RBPJ: variants seen among roughly 807,000 people sequenced by gnomAD.
The protein encoded by RBPJ is recombination signal binding protein for immunoglobulin kappa J region, also known as recombining binding protein suppressor of hairless.
In RBPJ, 9 loss-of-function variants were observed where a neutral mutation model predicts 67.8. The observed-to-expected ratio is 0.13, with a 90% CI of 0.08 to 0.23. The LOEUF (loss-of-function observed/expected upper bound fraction) is 0.23, where lower values mean the gene tolerates loss of function less well. RBPJ is among the 10% of genes least tolerant of loss of function. The pLI, the probability that RBPJ is intolerant of heterozygous loss-of-function variation, is 1.00. For missense variants in RBPJ, 305 were observed against 595.6 expected (o/e 0.51, Z 5.08); for synonymous variants, 198 against 203.3 (o/e 0.97, Z 0.22).
intron 1 of RBPJ, among the ~76,000 whole-genome samples, chr4:26,259,485 G>A (rs1720457329): frequency 6.6e-6 from 1 of 152,144 alleles, no homozygotes; most frequent in Admixed American, 6.5e-5. Flanking sequence ...CTTTGATTGT[G>A]CTTTGTCTTC....
At chr4:26,284,858 C>CT (rs747370926) in intron 1 of RBPJ, among the ~76,000 whole-genome samples, 1,916 of 146,884 alleles carry the variant, frequency 0.013, 29 homozygotes, top group Non-Finnish European at 0.022. Flanking sequence ...TTAAACTTAA[C>CT]TTTTTTTTTT....
At position 26,304,623 on chromosome 4, in the gene RBPJ, A is replaced by G. The variant is rs1192214574; in HGVS notation, c.-166-57823A>G. Among the ~76,000 whole-genome samples, 7 of 152,234 alleles carry G rather than the reference A, an allele frequency of 4.6e-5. No individual in the cohort carries two copies. The South Asian group carries it at 8.3e-4, about 18-fold the overall frequency. On this transcript the variant is annotated intron_variant, in intron 1 of 4. Coordinates refer to the RBPJ transcript ENST00000512351. ...TACTGAATATTTTTTCATGTGATCA[A>G]TGGTCATTTGCACATCTTTGGAGAA...
At chr4:26,293,746 A>G (rs140657133) in intron 1 of RBPJ, among the ~76,000 whole-genome samples, 1 of 137,716 alleles carries the variant, frequency 7.3e-6, no homozygotes, top group African/African-American at 2.7e-5. Context: ...ATAGACATGT[A>G]TATGAGAAGT....
chr4:26,430,191 G>T lies in RBPJ; in HGVS notation c.1044+138G>T. Reference sequence around the variant, plus strand: ...GGGATTTTTATATACACCATTTGTTGATTTAAAGAAAAAAAAACAAAATTA... The same window carrying T: ...GGGATTTTTATATACACCATTTGTTTATTTAAAGAAAAAAAAACAAAATTA... On this transcript the variant is annotated intron_variant, in intron 9 of 10. Transcript: ENST00000355476. The surrounding 1 kb of genome is among the most constrained non-coding windows in gnomAD (Gnocchi z 4.1). 1 of 1,057,978 alleles carries T rather than the reference G, an allele frequency of 9.5e-7. No homozygotes were observed. 65.5% of individuals were successfully genotyped at this position (1,057,978 alleles called of 1,614,324 possible).
intron 4 of RBPJ, 132 bp downstream of exon 4, chr4:26,415,772 G>T: frequency 1.2e-6 from 1 of 867,406 alleles, no homozygotes; most frequent in Non-Finnish European, 1.7e-6. Context: ...TATAAACTAG[G>T]ACCAAAAAAC....
At chr4:26,329,183 G>C (rs1383881035) in intron 1 of RBPJ, among the ~76,000 whole-genome samples, 1 of 152,124 alleles carries the variant, frequency 6.6e-6, no homozygotes, top group East Asian at 1.9e-4. Context: ...AGTAGAGACG[G>C]GGTTTCTCCA....
At chr4:26,397,900 T>G (rs1732306503) in intron 2 of RBPJ, among the ~76,000 whole-genome samples, 1 of 152,250 alleles carries the variant, frequency 6.6e-6, no homozygotes, top group African/African-American at 2.4e-5. Context: ...CCCAAAGTGC[T>G]GGGATTACAG....
At chr4:26,111,387 C>T in the RBPJ span, among the ~76,000 whole-genome samples, 1 of 152,202 alleles carries the variant, frequency 6.6e-6, no homozygotes, top group Admixed American at 6.5e-5. Flanking sequence ...ATGCCCAGCA[C>T]CCTCATGGTG....
In RBPJ at chr4:26,431,265, G is replaced by T. The variant is rs1736213634; in HGVS notation, c.*258G>T. ...GGAAATCAAGTTTTTCAGCTGTTTT[G>T]TTGGTTGGTTGGTTGGTTTTTGTTT... On this transcript the variant is annotated 3_prime_UTR_variant, in exon 11 of 11. Coordinates refer to ENST00000355476, the MANE Select transcript of RBPJ (RefSeq NM_015874.6). The T allele has an allele frequency of 3.0e-6, 1 of 331,740 alleles. No homozygotes were observed. Among genetic ancestry groups the T allele is most frequent in the African/African-American group, 2.2e-5 (1 of 45,070 alleles). 20.5% of individuals were successfully genotyped at this position (331,740 alleles called of 1,614,324 possible).
chr4:26,424,771 A>C lies in RBPJ; in HGVS notation c.747+28A>C. On this transcript the variant is annotated intron_variant, in intron 7 of 10. Coordinates refer to ENST00000355476, the MANE Select transcript of RBPJ (RefSeq NM_015874.6). This position sits in a 1 kb window ranked among gnomAD's most constrained non-coding sequence, Gnocchi z 5.3. ...ATGGCTCTACTTTTGCTTTAGTGAT[A>C]ATGTGAAGTAAAAATTAATTTCTTA... 7.8e-7 allele frequency: 1 copy of C among 1,285,368 alleles called. No homozygotes were observed. The highest frequency in any genetic ancestry group is 1.3e-5 in the South Asian group (1 of 79,400). 79.6% of individuals were successfully genotyped at this position (1,285,368 alleles called of 1,614,324 possible).
intron 1 of RBPJ, among the ~76,000 whole-genome samples, chr4:26,209,461 T>C (rs1316559184): frequency 6.6e-6 from 1 of 152,086 alleles, no homozygotes; most frequent in Non-Finnish European, 1.5e-5. Flanking sequence ...AAGTTTTGTG[T>C]TTAAATTAAT....
In RBPJ at chr4:26,329,826, G is replaced by A. The variant is rs913172333; in HGVS notation, c.20+8778G>A. Among the ~76,000 whole-genome samples the A allele has an allele frequency of 5.3e-5, 8 of 151,962 alleles. No homozygotes were observed. In the South Asian group the frequency reaches 6.3e-4, roughly 12 times the overall value. On this transcript the variant is annotated intron_variant, in intron 1 of 10. Transcript: ENST00000355476. ...GGAGAATGGCATGAACCCGGGAGGC[G>A]GAGCGTGCAGTGAGCCGAGATCACG...
chr4:26,385,025 C>T (rs766515954), intron 1 of RBPJ, among the ~76,000 whole-genome samples: 2 of 127,952 alleles, frequency 1.6e-5, no homozygotes, highest in Non-Finnish European at 3.3e-5. Flanking sequence ...CCTTTCCTCT[C>T]GTCTTTCCTC....
chr4:26,210,752 C>CTTCTTTCT (rs762128862), intron 1 of RBPJ, among the ~76,000 whole-genome samples: 5,363 of 46,996 alleles, frequency 0.11, 468 homozygotes, highest in East Asian at 0.16. Context: ...TCCTTCTTTC[C>CTTCTTTCT]TTCTTTCTTT....
intron 3 of RBPJ, among the ~76,000 whole-genome samples, chr4:26,409,708 C>T (rs1343885839): frequency 6.6e-6 from 1 of 152,102 alleles, no homozygotes; most frequent in East Asian, 1.9e-4. Context: ...CCATGTTGGC[C>T]AGGCTGGTCT....
intron 1 of RBPJ, among the ~76,000 whole-genome samples, chr4:26,352,052 C>T (rs747412243): frequency 5.3e-5 from 8 of 152,154 alleles, no homozygotes; most frequent in Non-Finnish European, 8.8e-5. Flanking sequence ...GTTTTCAATT[C>T]AGAGTAGCAT....
At chr4:26,233,509 T>C (rs960676735) in intron 1 of RBPJ, among the ~76,000 whole-genome samples, 2 of 152,250 alleles carry the variant, frequency 1.3e-5, no homozygotes, top group African/African-American at 2.4e-5. Flanking sequence ...CTCCACTTCG[T>C]ATGCGTCATG....
chr4:26,204,864 C>T (rs1718115061), intron 1 of RBPJ, among the ~76,000 whole-genome samples: 1 of 152,134 alleles, frequency 6.6e-6, no homozygotes, highest in Non-Finnish European at 1.5e-5. Flanking sequence ...TTAGTGTGTG[C>T]CCTGGAGCAT....
At chr4:26,355,292 C>T (rs766407073) in intron 1 of RBPJ, among the ~76,000 whole-genome samples, 1 of 152,100 alleles carries the variant, frequency 6.6e-6, no homozygotes, top group Non-Finnish European at 1.5e-5. Context: ...AAGTTAAATA[C>T]ATCCCATCTG....
Sources: allele counts gnomAD v4.1 joint callset (sites outside exome capture counted in the v4.1 genomes callset), GRCh38; gene constraint gnomAD v4.1.1; non-coding constraint Gnocchi (gnomAD v3.1); transcripts MANE v1.5; gene names NCBI Gene and HGNC (gene_info 2026-07-23, HGNC 2026-07-21).